PRDM10: variants seen among roughly 807,000 people sequenced by gnomAD.
PRDM10 encodes PR domain zinc finger protein 10.
In PRDM10, 65 loss-of-function variants were observed where a neutral mutation model predicts 133.1. The ratio of observed to expected loss-of-function variants is 0.49; its 90% confidence interval spans 0.40 to 0.60. The LOEUF (loss-of-function observed/expected upper bound fraction) is 0.60, where lower values mean the gene tolerates loss of function less well. Among genes scored for constraint, PRDM10 ranks in the 20% least tolerant of loss-of-function variants. The pLI is 0.00. For missense variants in PRDM10, 1,137 were observed against 1,507.1 expected (o/e 0.75, Z 4.07); for synonymous variants, 582 against 580.4 (o/e 1.00, Z -0.04).
chr11:129,964,172 G>A (rs917164222), intron 1 of PRDM10, among the ~76,000 whole-genome samples: 2 of 152,182 alleles, frequency 1.3e-5, no homozygotes, highest in African/African-American at 2.4e-5. Context: ...GCACAAATGC[G>A]CAGGCGTGTA....
At chr11:129,904,527 T>A (rs1200430302) in intron 20 of PRDM10, among the ~76,000 whole-genome samples, 1 of 152,094 alleles carries the variant, frequency 6.6e-6, no homozygotes, top group African/African-American at 2.4e-5. Context: ...TGAGACAGAG[T>A]CTCACTTTGT....
At position 129,931,248 on chromosome 11, in the gene PRDM10, T is replaced by G. The variant is rs767061664; in HGVS notation, c.1298A>C (p.His433Pro). 2 of 1,613,682 alleles carry G rather than the reference T, an allele frequency of 1.2e-6. No individual in the cohort carries two copies. The highest frequency in any genetic ancestry group is 2.2e-5 in the South Asian group (2 of 91,046). The change falls in exon 11 of 21, where the codon CAT becomes CCT. Residue 433 changes from histidine (H) to proline (P), a missense_variant. His to Pro is a moderately conservative substitution (Grantham distance 77). This residue lies in a region of PRDM10 where 635 missense variants were observed against 835.2 expected (regional missense o/e 0.76). Coordinates refer to ENST00000360871, the MANE Select transcript of PRDM10 (RefSeq NM_199437.2). ...ATCAAATTGCTCCTTTGTGGGAAAA[T>G]GTAGCAAGTCCTGAAATTTGCAATA... ...KSDDGTQDLL[H>P]FPTKEQFDEA... is the part of the protein sequence containing the mutation.
chr11:129,913,219 C>CA lies in PRDM10; in HGVS notation c.2842-995dup, dbSNP rs750114740. On this transcript the variant is annotated intron_variant, in intron 17 of 20. Transcript: ENST00000360871. ...GGTGACAATAGTGAGACCCTGTCTC[C>CA]AAAAAAAAAAAAAAAAAAAAACCAA... Among the ~76,000 whole-genome samples, 721 of 78,378 alleles carry CA rather than the reference C, an allele frequency of 9.2e-3. 3 individuals carry two copies. The highest frequency in any genetic ancestry group is 0.013 in the Admixed American group (84 of 6,552). The allele number at this position is 78,378 out of a possible 152,430, so 51.4% of individuals were successfully genotyped here. A position where few individuals can be genotyped will look rare whatever the true frequency, so the allele number is the denominator to read the frequency against.
chr11:129,974,878 G>A (rs1029038495), intron 1 of PRDM10, among the ~76,000 whole-genome samples: 1 of 152,330 alleles, frequency 6.6e-6, no homozygotes, highest in African/African-American at 2.4e-5. Context: ...CTTCAACAGG[G>A]AGGAACCTTG....
chr11:129,970,938 A>C (rs1952007734), intron 1 of PRDM10, among the ~76,000 whole-genome samples: 5 of 152,100 alleles, frequency 3.3e-5, no homozygotes. Context: ...TCACATCCTA[A>C]AGCTGACTAA....
At chr11:129,984,644 C>A (rs952808846) in intron 1 of PRDM10, among the ~76,000 whole-genome samples, 1 of 152,192 alleles carries the variant, frequency 6.6e-6, no homozygotes, top group South Asian at 2.1e-4. Context: ...GGCACTCACA[C>A]CCTCTGCAAA....
rs1250349727 is a variant in PRDM10, at chr11:129,931,233, T to A, written c.1313A>T (p.Glu438Val). 1 of 1,613,892 alleles carries A rather than the reference T, an allele frequency of 6.2e-7. No homozygotes were observed. The highest frequency in any genetic ancestry group is 1.7e-5 in the Admixed American group (1 of 60,004). ...TQDLLHFPTKEQFDEAEPATL... is the reference protein window; with the variant it reads ...TQDLLHFPTKVQFDEAEPATL... Reference sequence around the variant, plus strand: ...GGCTGGTTCAGCCTCATCAAATTGCTCCTTTGTGGGAAAATGTAGCAAGTC... The same window carrying A: ...GGCTGGTTCAGCCTCATCAAATTGCACCTTTGTGGGAAAATGTAGCAAGTC... Residue 438 changes from glutamate to valine, a missense_variant, in exon 11 of 21, where the codon GAG becomes GTG. Glu to Val is a moderately radical substitution (Grantham distance 121). Transcript: ENST00000360871.
Position 129,947,840 on chromosome 11 carries a change from G to C in PRDM10, c.295-470C>G, listed in dbSNP as rs1332465991. Among the ~76,000 whole-genome samples the C allele has an allele frequency of 2.6e-5, 4 of 152,194 alleles. No homozygotes were observed. The East Asian group carries it at 7.7e-4, about 29-fold the overall frequency. ...ACCGTTTCGATGTGTGCACATGTGA[G>C]GTATCATCAGTTTCCACATCTGAAC... On this transcript the variant is annotated intron_variant, in intron 4 of 20. Transcript: ENST00000360871. This position sits in a 1 kb window ranked among gnomAD's most constrained non-coding sequence, Gnocchi z 4.6.
chr11:130,000,074 G>A (rs1190129600), intron 1 of PRDM10, among the ~76,000 whole-genome samples: 1 of 135,566 alleles, frequency 7.4e-6, no homozygotes, highest in Non-Finnish European at 1.5e-5. Flanking sequence ...ACGGAGTTTC[G>A]CTCTTGTTGC....
chr11:129,977,514 C>CCTCATGAT (rs1397723992), intron 1 of PRDM10, among the ~76,000 whole-genome samples: 2 of 152,124 alleles, frequency 1.3e-5, no homozygotes, highest in African/African-American at 4.8e-5. Context: ...GATCTCCTGA[C>CCTCATGAT]CTCATGATCT....
At position 129,957,769 on chromosome 11, in the gene PRDM10, T is replaced by G; in HGVS notation, c.211A>C (p.Ile71Leu). 1 of 1,613,476 alleles carries G rather than the reference T, an allele frequency of 6.2e-7. No homozygotes were observed. Among genetic ancestry groups the G allele is most frequent in the Non-Finnish European group, 8.5e-7 (1 of 1,179,552 alleles). The change falls in exon 3 of 21, where the codon ATC becomes CTC. Residue 71 changes from isoleucine to leucine, a missense_variant. Ile to Leu is a conservative substitution (Grantham distance 5). Coordinates refer to ENST00000360871, the MANE Select transcript of PRDM10 (RefSeq NM_199437.2). ...GCCTGTGCAGCTTCCACCGGGTGGA[T>G]GTACACCAGCGTGTGCTCTGGACCA... ...VDGPEHTLVY[I>L]HPVEAAQTLF...
rs115509781 is a variant in PRDM10 at position 129,970,958 on chromosome 11, C to T, written c.-118-9876G>A. Reference sequence around the variant, plus strand: ...TCCTAAAGCTGACTAAAATTGTGTCCGAAATTGGTGGGTTCTGGGTCTCAC... The same window carrying T: ...TCCTAAAGCTGACTAAAATTGTGTCTGAAATTGGTGGGTTCTGGGTCTCAC... On this transcript the variant is annotated intron_variant, in intron 1 of 20. Coordinates refer to ENST00000360871, the MANE Select transcript of PRDM10 (RefSeq NM_199437.2). 4.0e-3 allele frequency among the ~76,000 whole-genome samples: 603 copies of T among 152,138 alleles called. 7 individuals are homozygous for T. Among genetic ancestry groups the T allele is most frequent in the African/African-American group, 0.014 (575 of 41,516 alleles).
chr11:129,927,791 C>T (rs547756247), intron 11 of PRDM10, among the ~76,000 whole-genome samples: 2 of 152,218 alleles, frequency 1.3e-5, no homozygotes, highest in Non-Finnish European at 2.9e-5. Flanking sequence ...CTGAAACTGT[C>T]CCCACCCGTT....
At chr11:129,968,232 G>A (rs956460351) in intron 1 of PRDM10, among the ~76,000 whole-genome samples, 3 of 152,170 alleles carry the variant, frequency 2.0e-5, no homozygotes, top group African/African-American at 7.2e-5. Context: ...CACCTCAAAT[G>A]CCAGACACGT....
chr11:129,914,773 A>T lies in PRDM10; in HGVS notation c.2772T>A (p.Pro924=), dbSNP rs1466585000. 1 of 1,614,122 alleles carries T rather than the reference A, an allele frequency of 6.2e-7. No individual in the cohort carries two copies. Among genetic ancestry groups the T allele is most frequent in the Admixed American group, 1.7e-5 (1 of 60,012 alleles). ...QGDYQRIQYI[P]VSQSASGLQQ... is the part of the protein sequence containing the mutation. ...GGAGGCCAGACGCCGACTGCGACAC[A>T]GGGATGTACTGAATTCTCTGGTAAT... Residue 924 remains proline, a synonymous_variant, in exon 17 of 21, where the codon CCT becomes CCA. Transcript: ENST00000360871.
At chr11:129,961,679 C>T (rs1307868859) in intron 1 of PRDM10, among the ~76,000 whole-genome samples, 5 of 151,878 alleles carry the variant, frequency 3.3e-5, no homozygotes, top group South Asian at 2.1e-4. Context: ...CTGGTTAACA[C>T]GGTGAGACCC....
chr11:129,911,064 C>T (rs1054895167), intron 18 of PRDM10, among the ~76,000 whole-genome samples: 1 of 152,224 alleles, frequency 6.6e-6, no homozygotes, highest in African/African-American at 2.4e-5. Flanking sequence ...GCATGAGACA[C>T]AACGCCTGGC....
chr11:129,975,349 G>T (rs1186172710), intron 1 of PRDM10, among the ~76,000 whole-genome samples: 1 of 151,838 alleles, frequency 6.6e-6, no homozygotes. Context: ...GCTTGAACCT[G>T]GGGAGGCGGA....
intron 1 of PRDM10, among the ~76,000 whole-genome samples, chr11:129,965,341 T>C (rs1321698494): frequency 6.6e-6 from 1 of 152,220 alleles, no homozygotes; most frequent in Non-Finnish European, 1.5e-5. Flanking sequence ...TTTTCCTTTA[T>C]TAATTTTCTT....
Sources: gnomAD v4.1 joint callset for allele counts (sites outside exome capture counted in the v4.1 genomes callset) on GRCh38, gnomAD v4.1.1 for gene constraint, gnomAD v4.1.1 regional missense constraint, Gnocchi (gnomAD v3.1) non-coding constraint, MANE v1.5 for transcripts, NCBI Gene and HGNC (gene_info 2026-07-23, HGNC 2026-07-21) for gene names.